Variants in GTF2F2 observed in about 807,000 individuals in gnomAD.
GTF2F2 encodes the protein general transcription factor IIF subunit 2.
GTF2F2 carries 23 observed loss-of-function variants against 42.2 expected under a neutral mutation model. The ratio of observed to expected loss-of-function variants is 0.55; its 90% CI spans 0.39 to 0.77. The LOEUF (loss-of-function observed/expected upper bound fraction) is 0.77, where lower values mean the gene tolerates loss of function less well. Among genes scored for constraint, GTF2F2 ranks in the 30% least tolerant of loss-of-function variants. GTF2F2 has a pLI of 0.00. For missense variants in GTF2F2, 261 were observed against 287.2 expected, an observed-to-expected ratio of 0.91 and a Z score of 0.66; for synonymous variants, 105 against 100.8, an observed-to-expected ratio of 1.04 and a Z score of -0.25.
intron 5 of GTF2F2, among the ~76,000 whole-genome samples, chr13:45,217,651 T>G (rs751144006): frequency 5.6e-4 from 86 of 152,338 alleles, no homozygotes; most frequent in Non-Finnish European, 9.6e-4. Context: ...TTGTTTAAAA[T>G]TCAAATTATA....
At chr13:45,258,007 C>G (rs1392622471) in intron 6 of GTF2F2, among the ~76,000 whole-genome samples, 1 of 151,962 alleles carries the variant, frequency 6.6e-6, no homozygotes, top group African/African-American at 2.4e-5. Flanking sequence ...ACTAATAAAC[C>G]AAGCATATGT....
chr13:45,204,278 C>T (rs1023407093), intron 4 of GTF2F2, among the ~76,000 whole-genome samples: 1 of 152,122 alleles, frequency 6.6e-6, no homozygotes, highest in African/African-American at 2.4e-5. Context: ...ATACATGCCA[C>T]AGAACGTTTA....
intron 4 of GTF2F2, chr13:45,207,155 A>T: frequency 3.0e-6 from 1 of 333,294 alleles, no homozygotes; most frequent in Non-Finnish European, 5.6e-6. Context: ...AAGCTACCTT[A>T]TTTAGAAGGA....
At chr13:45,173,774 C>T (rs1392535895) in intron 4 of GTF2F2, among the ~76,000 whole-genome samples, 1 of 151,682 alleles carries the variant, frequency 6.6e-6, no homozygotes, top group Non-Finnish European at 1.5e-5. Flanking sequence ...CCCGCTACCA[C>T]GCCCAGCTAA....
intron 5 of GTF2F2, among the ~76,000 whole-genome samples, chr13:45,241,831 A>G (rs1005120347): frequency 2.0e-5 from 3 of 152,158 alleles, no homozygotes; most frequent in African/African-American, 7.2e-5. Flanking sequence ...ACTGGGTTTT[A>G]CATGCCTGTT....
chr13:45,251,173 A>C (rs906808213), intron 5 of GTF2F2, among the ~76,000 whole-genome samples: 3 of 152,166 alleles, frequency 2.0e-5, no homozygotes, highest in African/African-American at 7.2e-5. Context: ...ATATCTTCTC[A>C]GCAATTTGAT....
intron 2 of GTF2F2, among the ~76,000 whole-genome samples, chr13:45,141,932 C>A (rs1869945556): frequency 6.6e-6 from 1 of 152,158 alleles, no homozygotes. Context: ...AACTTCAGAA[C>A]ATAGCACAGA....
At chr13:45,160,132 A>G (rs1870964445) in intron 4 of GTF2F2, among the ~76,000 whole-genome samples, 1 of 152,204 alleles carries the variant, frequency 6.6e-6, no homozygotes. Flanking sequence ...ATGTGCTAAC[A>G]TTTTTATTTA....
At chr13:45,152,343 C>T (rs1183722110) in intron 4 of GTF2F2, among the ~76,000 whole-genome samples, 5 of 152,142 alleles carry the variant, frequency 3.3e-5, no homozygotes, top group African/African-American at 9.7e-5. Context: ...TTGGCCATTA[C>T]TTGAGAAGGG....
chr13:45,258,258 T>C (rs541021167), intron 6 of GTF2F2, among the ~76,000 whole-genome samples: 10 of 151,710 alleles, frequency 6.6e-5, no homozygotes, highest in Non-Finnish European at 1.0e-4. Context: ...AAGAATGTAA[T>C]GTAGGGAGTT....
chr13:45,249,918 C>T (rs1299289083), intron 5 of GTF2F2, among the ~76,000 whole-genome samples: 1 of 152,126 alleles, frequency 6.6e-6, no homozygotes, highest in Non-Finnish European at 1.5e-5. Flanking sequence ...ACACATTTAG[C>T]TGTCCCGACA....
intron 4 of GTF2F2, among the ~76,000 whole-genome samples, chr13:45,205,014 T>C (rs1432396125): frequency 1.3e-5 from 2 of 152,146 alleles, no homozygotes; most frequent in African/African-American, 4.8e-5. Flanking sequence ...ATGGAGAAGG[T>C]TGATAGCACA....
At chr13:45,208,818 C>T (rs1873521112) in intron 5 of GTF2F2, among the ~76,000 whole-genome samples, 1 of 152,076 alleles carries the variant, frequency 6.6e-6, no homozygotes, top group Non-Finnish European at 1.5e-5. Flanking sequence ...GAATGACAAT[C>T]AAAATGAAAA....
Position 45,120,560 on chromosome 13 carries a change from A to G in GTF2F2, c.-96A>G, listed in dbSNP as rs1032303380. On this transcript the variant is annotated 5_prime_UTR_variant, in exon 1 of 8. Transcript: ENST00000340473. Reference sequence around the variant, plus strand: ...AAGGAACGCCGGCTCTTCGCCTCTCAGCGCGGCTTGTCCTTTGTTCCGGAC... The same window carrying G: ...AAGGAACGCCGGCTCTTCGCCTCTCGGCGCGGCTTGTCCTTTGTTCCGGAC... 7 of 849,540 alleles carry G rather than the reference A, an allele frequency of 8.2e-6. No homozygotes were observed. The highest frequency in any genetic ancestry group is 4.5e-5 in the South Asian group (3 of 67,320). The allele number at this position is 849,540 out of a possible 1,614,324, so 52.6% of individuals were successfully genotyped here.
At chr13:45,272,897 A>G (rs1876859076) in intron 7 of GTF2F2, among the ~76,000 whole-genome samples, 1 of 149,450 alleles carries the variant, frequency 6.7e-6, no homozygotes, top group Non-Finnish European at 1.5e-5. Flanking sequence ...TTAGGACTAC[A>G]GGCATGCCCC....
intron 4 of GTF2F2, among the ~76,000 whole-genome samples, chr13:45,189,594 T>C (rs1191846169): frequency 6.6e-6 from 1 of 152,234 alleles, no homozygotes; most frequent in South Asian, 2.1e-4. Context: ...TGATTGCCAT[T>C]CTAACTGGCA....
intron 6 of GTF2F2, among the ~76,000 whole-genome samples, chr13:45,262,071 C>CA (rs201205731): frequency 5.5e-4 from 82 of 148,146 alleles, no homozygotes; most frequent in Non-Finnish European, 6.6e-4. Context: ...TAGACATTAT[C>CA]AAAAAAAAAA....
intron 2 of GTF2F2, among the ~76,000 whole-genome samples, chr13:45,148,239 T>C (rs1476185894): frequency 6.6e-6 from 1 of 152,230 alleles, no homozygotes; most frequent in East Asian, 1.9e-4. Context: ...ATATATTTTC[T>C]AGTGCAAGTT....
chr13:45,245,505 G>A (rs764956059), intron 5 of GTF2F2, among the ~76,000 whole-genome samples: 10 of 151,506 alleles, frequency 6.6e-5, no homozygotes, highest in Admixed American at 2.0e-4. Context: ...ATTCTCATGC[G>A]TTTGCATAGT....
Sources: allele counts gnomAD v4.1 joint callset (sites outside exome capture counted in the v4.1 genomes callset), GRCh38; gene constraint gnomAD v4.1.1; transcripts MANE v1.5; gene names NCBI Gene and HGNC (gene_info 2026-07-23, HGNC 2026-07-21).